The following RALY variants were observed in gnomAD, a reference collection of about 807,000 sequenced individuals.
The protein encoded by RALY is RALY heterogeneous nuclear ribonucleoprotein.
RALY carries 15 observed loss-of-function variants against 30.7 expected under a neutral mutation model. That is an observed-to-expected ratio of 0.49 (90% CI 0.33 to 0.75). The LOEUF is 0.75. Among genes scored for constraint, RALY ranks in the 30% least tolerant of loss-of-function variants. The pLI, the probability that RALY is intolerant of heterozygous loss-of-function variation, is 0.02. For synonymous variants in RALY, 177 were observed against 170.8 expected, an observed-to-expected ratio of 1.04 and a Z score of -0.28; for missense variants, 339 against 414.3, an observed-to-expected ratio of 0.82 and a Z score of 1.58.
chr20:34,000,193 A>T (rs1186025894), intron 1 of RALY, among the ~76,000 whole-genome samples: 3 of 152,196 alleles, frequency 2.0e-5, no homozygotes, highest in Admixed American at 2.0e-4. Context: ...TGCAGCTCAC[A>T]GACCCTTAGG....
chr20:34,038,687 C>T (rs1427197155), intron 2 of RALY, among the ~76,000 whole-genome samples: 1 of 152,110 alleles, frequency 6.6e-6, no homozygotes, highest in African/African-American at 2.4e-5. Context: ...TGCATCTTTC[C>T]CACCATTGTG....
intron 2 of RALY, among the ~76,000 whole-genome samples, chr20:34,070,488 G>A (rs1445944517): frequency 6.6e-6 from 1 of 152,132 alleles, no homozygotes; most frequent in African/African-American, 2.4e-5. Flanking sequence ...TCATCTCTAA[G>A]CCAAACAGAA....
At chr20:34,005,463 C>T (rs568211704) in intron 1 of RALY, among the ~76,000 whole-genome samples, 6 of 151,770 alleles carry the variant, frequency 4.0e-5, no homozygotes, top group African/African-American at 1.2e-4. Flanking sequence ...GAGCCAAGAT[C>T]GTGCCACTGC....
chr20:34,006,834 G>A (rs577807466), intron 1 of RALY, among the ~76,000 whole-genome samples: 1 of 152,322 alleles, frequency 6.6e-6, no homozygotes, highest in South Asian at 2.1e-4. Context: ...TTTGCACAGG[G>A]ATGAAATCGC....
chr20:34,076,541 G>A (rs1312817966), intron 6 of RALY, among the ~76,000 whole-genome samples, 161 bp from the exon 7 acceptor site: 1 of 152,192 alleles, frequency 6.6e-6, no homozygotes, highest in Non-Finnish European at 1.5e-5. Context: ...AGGGATGGAC[G>A]CCAGGTAGTC....
chr20:34,013,297 G>C (rs577624353), intron 1 of RALY, among the ~76,000 whole-genome samples: 1 of 151,312 alleles, frequency 6.6e-6, no homozygotes, highest in Non-Finnish European at 1.5e-5. Context: ...TGTAGTCTCA[G>C]CAGCTACTTG....
chr20:34,053,359 CCAA>C (rs1429888229), intron 2 of RALY, among the ~76,000 whole-genome samples: 1 of 145,050 alleles, frequency 6.9e-6, no homozygotes, highest in Non-Finnish European at 1.5e-5. Flanking sequence ...TAGTGCAAGG[CCAA>C]CATTTAGTAG....
intron 2 of RALY, among the ~76,000 whole-genome samples, chr20:34,068,225 C>T (rs2033632947): frequency 6.6e-6 from 1 of 152,144 alleles, no homozygotes; most frequent in African/African-American, 2.4e-5. Flanking sequence ...CACAGCTAAT[C>T]TGTGAGGCAG....
At chr20:34,042,527 G>C (rs140662872) in intron 2 of RALY, among the ~76,000 whole-genome samples, 56 of 152,222 alleles carry the variant, frequency 3.7e-4, no homozygotes, top group African/African-American at 1.2e-3. Context: ...CATGACATCT[G>C]GTTCCTGTGA....
In RALY at chr20:34,083,633, CTGTT is replaced by C. The variant is rs1344662738; in HGVS notation, c.*3731_*3734del. 3 of 152,210 alleles carry C rather than the reference CTGTT, an allele frequency of 2.0e-5. No individual in the cohort carries two copies. The highest frequency in any genetic ancestry group is 6.5e-5 in the Admixed American group (1 of 15,284). The allele number at this position is 152,210 out of a possible 1,614,324, so 9.4% of individuals were successfully genotyped here. A position where few individuals can be genotyped will look rare whatever the true frequency, so the allele number is the denominator to read the frequency against. On this transcript the variant is annotated 3_prime_UTR_variant, in exon 10 of 10. Transcript: ENST00000246194. Reference sequence around the variant, plus strand: ...TTGAGGATCTGCAGCAATTTTCAGACTGTTTGGAAATACTGACATGATAGTTTGG... The same window carrying C: ...TTGAGGATCTGCAGCAATTTTCAGACTGGAAATACTGACATGATAGTTTGG...
At chr20:34,075,344 C>T (rs2033844576) in intron 5 of RALY, among the ~76,000 whole-genome samples, 1 of 151,928 alleles carries the variant, frequency 6.6e-6, no homozygotes, top group South Asian at 2.1e-4. Flanking sequence ...TGTTTTTAAC[C>T]GAATTCTTTC....
At chr20:34,006,719 A>G (rs1447313132) in intron 1 of RALY, among the ~76,000 whole-genome samples, 1 of 152,228 alleles carries the variant, frequency 6.6e-6, no homozygotes, top group Non-Finnish European at 1.5e-5. Flanking sequence ...ACACAGTAAC[A>G]TGCTGTATAG....
At chr20:34,060,786 C>T (rs776861489) in intron 2 of RALY, among the ~76,000 whole-genome samples, 3 of 152,238 alleles carry the variant, frequency 2.0e-5, no homozygotes, top group Non-Finnish European at 4.4e-5. Context: ...TCATATGACC[C>T]ACTCAGCTCT....
intron 5 of RALY, 94 bp downstream of exon 5, chr20:34,073,960 G>A: frequency 7.1e-7 from 1 of 1,414,050 alleles, no homozygotes; most frequent in Non-Finnish European, 9.8e-7. Context: ...CTCCAAATGA[G>A]AACCAAAACC....
chr20:34,006,100 G>C (rs1471778467), intron 1 of RALY, among the ~76,000 whole-genome samples: 1 of 152,186 alleles, frequency 6.6e-6, no homozygotes, highest in Non-Finnish European at 1.5e-5. Context: ...GATAGATGGA[G>C]TTGGCTAGGA....
chr20:34,029,120 GC>G (rs2032165427), intron 1 of RALY, among the ~76,000 whole-genome samples: 1 of 152,132 alleles, frequency 6.6e-6, no homozygotes, highest in African/African-American at 2.4e-5. Flanking sequence ...CAAGAAATAT[GC>G]CAGCAGTGCA....
intron 1 of RALY, among the ~76,000 whole-genome samples, chr20:34,011,785 G>A (rs1047312038): frequency 3.3e-5 from 5 of 152,190 alleles, no homozygotes; most frequent in Non-Finnish European, 5.9e-5. Context: ...CAGCCATGGG[G>A]CCAGACACGG....
intron 1 of RALY, among the ~76,000 whole-genome samples, chr20:34,027,231 T>TG: frequency 6.6e-6 from 1 of 152,330 alleles, no homozygotes; most frequent in Non-Finnish European, 1.5e-5. Context: ...ACACAGGCTC[T>TG]GGAGTAAAGT....
chr20:34,014,208 AC>A (rs2031521569), intron 1 of RALY, among the ~76,000 whole-genome samples: 2 of 151,856 alleles, frequency 1.3e-5, no homozygotes, highest in South Asian at 4.2e-4. Context: ...TTATATAAAT[AC>A]CCCCAGCCTT....
Sources: allele counts gnomAD v4.1 joint callset (sites outside exome capture counted in the v4.1 genomes callset), GRCh38; gene constraint gnomAD v4.1.1; transcripts MANE v1.5; gene names NCBI Gene and HGNC (gene_info 2026-07-23, HGNC 2026-07-21).